Variants in RALY observed in about 807,000 individuals in gnomAD.
The protein encoded by RALY is RALY heterogeneous nuclear ribonucleoprotein.
In RALY, 15 loss-of-function variants were observed where a neutral mutation model predicts 30.7. That is an observed-to-expected ratio of 0.49 (90% CI 0.33 to 0.75). RALY has a LOEUF of 0.75. RALY is among the 30% of genes least tolerant of loss of function. RALY has a pLI of 0.02. For missense variants in RALY, 339 were observed against 414.3 expected, an observed-to-expected ratio of 0.82 and a Z score of 1.58; for synonymous variants, 177 against 170.8, an observed-to-expected ratio of 1.04 and a Z score of -0.28.
chr20:34,069,507 G>A (rs2033668154), intron 2 of RALY, among the ~76,000 whole-genome samples: 1 of 152,096 alleles, frequency 6.6e-6, no homozygotes, highest in South Asian at 2.1e-4. Flanking sequence ...AAAGCAGGTG[G>A]CTTCTCCCTA....
At chr20:34,060,104 C>G (rs539205030) in intron 2 of RALY, among the ~76,000 whole-genome samples, 1 of 152,176 alleles carries the variant, frequency 6.6e-6, no homozygotes, top group Non-Finnish European at 1.5e-5. Context: ...TGGTGAGACA[C>G]TTGAAGAGAC....
At chr20:34,002,944 C>A (rs749423430) in intron 1 of RALY, among the ~76,000 whole-genome samples, 44 of 152,174 alleles carry the variant, frequency 2.9e-4, no homozygotes, top group South Asian at 1.2e-3. Flanking sequence ...GGTGTGGTTT[C>A]TGGCATTTGA....
intron 7 of RALY, 24 bp from the exon 8 acceptor site, chr20:34,077,004 C>G: frequency 1.2e-6 from 2 of 1,610,196 alleles, no homozygotes; most frequent in East Asian, 4.5e-5. Context: ...TTTATTCTCC[C>G]CTCCTCCACC....
intron 2 of RALY, among the ~76,000 whole-genome samples, chr20:34,039,839 G>A (rs1216618249): frequency 3.3e-5 from 5 of 152,132 alleles, no homozygotes; most frequent in Non-Finnish European, 7.4e-5. Flanking sequence ...TGGGCTGGGC[G>A]CGGTGGCTCA....
intron 2 of RALY, among the ~76,000 whole-genome samples, chr20:34,064,756 G>A (rs925629452): frequency 1.3e-5 from 2 of 152,192 alleles, no homozygotes; most frequent in African/African-American, 4.8e-5. Flanking sequence ...TTTTCATAGA[G>A]CATTTGGGTT....
At chr20:34,004,181 A>T (rs1459226830) in intron 1 of RALY, among the ~76,000 whole-genome samples, 1 of 152,150 alleles carries the variant, frequency 6.6e-6, no homozygotes, top group Non-Finnish European at 1.5e-5. Context: ...TACATGGAGG[A>T]GGGGCAGAGG....
At chr20:34,024,547 T>C (rs1470200987) in intron 1 of RALY, among the ~76,000 whole-genome samples, 1 of 152,192 alleles carries the variant, frequency 6.6e-6, no homozygotes, top group African/African-American at 2.4e-5. Context: ...ACTGCCTAGA[T>C]TGAGTTTCAT....
intron 1 of RALY, among the ~76,000 whole-genome samples, chr20:33,995,741 T>C (rs1444372806): frequency 6.6e-6 from 1 of 152,226 alleles, no homozygotes; most frequent in Non-Finnish European, 1.5e-5. Flanking sequence ...TTTCCCCGCT[T>C]CCCTGTTAAC....
intron 2 of RALY, among the ~76,000 whole-genome samples, chr20:34,064,339 A>G (rs2033505212): frequency 2.0e-5 from 3 of 152,120 alleles, no homozygotes; most frequent in Non-Finnish European, 4.4e-5. Flanking sequence ...TACCCAGAGC[A>G]TGCTATGGGG....
At chr20:34,039,102 T>C (rs2032604353) in intron 2 of RALY, among the ~76,000 whole-genome samples, 1 of 152,174 alleles carries the variant, frequency 6.6e-6, no homozygotes, top group Admixed American at 6.5e-5. Context: ...TGGTCTGTGG[T>C]CCAAGGAGAT....
rs918353357 is a variant in RALY, at chr20:34,082,840, A to T, written c.*2935A>T. The T allele has an allele frequency of 5.3e-5, 8 of 152,232 alleles. No homozygotes were observed. The highest frequency in any genetic ancestry group is 1.2e-4 in the African/African-American group (5 of 41,462). 9.4% of individuals were successfully genotyped at this position (152,232 alleles called of 1,614,324 possible). A position where few individuals can be genotyped will look rare whatever the true frequency, so the allele number is the denominator to read the frequency against. On this transcript the variant is annotated 3_prime_UTR_variant, in exon 10 of 10. Coordinates refer to ENST00000246194, the MANE Select transcript of RALY (RefSeq NM_016732.3). ...TAACATCTGAAAACTCCAGAAGGAG[A>T]TGGTGATAAATGTGGTACCGGATTC...
intron 2 of RALY, among the ~76,000 whole-genome samples, chr20:34,050,711 C>G (rs2033049241): frequency 6.6e-6 from 1 of 152,222 alleles, no homozygotes; most frequent in African/African-American, 2.4e-5. Context: ...GTCTCCTGGA[C>G]AGATCTCATA....
At chr20:34,003,850 G>A (rs886195049) in intron 1 of RALY, among the ~76,000 whole-genome samples, 5 of 151,754 alleles carry the variant, frequency 3.3e-5, no homozygotes, top group African/African-American at 4.8e-5. Flanking sequence ...CGTTTTAGCC[G>A]GGATGGTCTC....
rs1321117850 is a variant in RALY, at chr20:34,080,600, CTA to C, written c.*698_*699del. 9 of 152,336 alleles carry C rather than the reference CTA, an allele frequency of 5.9e-5. No individual in the cohort carries two copies. The highest frequency in any genetic ancestry group is 1.9e-4 in the African/African-American group (8 of 41,440). 9.4% of individuals were successfully genotyped at this position (152,336 alleles called of 1,614,324 possible). A position where few individuals can be genotyped will look rare whatever the true frequency, so the allele number is the denominator to read the frequency against. On this transcript the variant is annotated 3_prime_UTR_variant, in exon 10 of 10. Coordinates refer to ENST00000246194, the MANE Select transcript of RALY (RefSeq NM_016732.3). ...ACCTTCTCTCTTCTGGCTTAGGACACTATAATTTTTTCATTTGGACGTTGTCC... is the reference window on the plus strand; with the variant it reads ...ACCTTCTCTCTTCTGGCTTAGGACACTAATTTTTTCATTTGGACGTTGTCC...
intron 1 of RALY, among the ~76,000 whole-genome samples, chr20:34,024,551 G>C (rs936267110): frequency 3.9e-5 from 6 of 152,156 alleles, no homozygotes; most frequent in South Asian, 4.1e-4. Context: ...CCTAGATTGA[G>C]TTTCATCTAT....
Position 34,082,767 on chromosome 20 carries a change from C to G in RALY, c.*2862C>G, listed in dbSNP as rs565689850. The G allele has an allele frequency of 1.3e-5, 2 of 152,310 alleles. No homozygotes were observed. The highest frequency in any genetic ancestry group is 3.9e-4 in the East Asian group (2 of 5,180). 9.4% of individuals were successfully genotyped at this position (152,310 alleles called of 1,614,324 possible). Reference sequence around the variant, plus strand: ...GCATACACATGCCCTTCCTCTGAGTCGGGGCAGCAAAAACATCCATTCCGC... The same window carrying G: ...GCATACACATGCCCTTCCTCTGAGTGGGGGCAGCAAAAACATCCATTCCGC... On this transcript the variant is annotated 3_prime_UTR_variant, in exon 10 of 10. Transcript: ENST00000246194.
intron 2 of RALY, among the ~76,000 whole-genome samples, chr20:34,042,120 A>G (rs1327145424): frequency 1.3e-5 from 2 of 152,140 alleles, no homozygotes; most frequent in South Asian, 4.1e-4. Context: ...TGCCGTCTCA[A>G]AAAACAAACA....
rs1432458195 is a variant in RALY, at chr20:34,081,227, T to G, written c.*1322T>G. On this transcript the variant is annotated 3_prime_UTR_variant, in exon 10 of 10. Transcript: ENST00000246194. ...GGTCCAGTGAACTGCGGGATTCATA[T>G]GTGGCCACTTAGGCTGGTCTCGTTG... 1.3e-5 allele frequency: 2 copies of G among 152,178 alleles called. No individual in the cohort carries two copies. The highest frequency in any genetic ancestry group is 4.8e-5 in the African/African-American group (2 of 41,424). 9.4% of individuals were successfully genotyped at this position (152,178 alleles called of 1,614,324 possible).
chr20:34,047,372 G>A (rs1232574129), intron 2 of RALY, among the ~76,000 whole-genome samples: 1 of 152,078 alleles, frequency 6.6e-6, no homozygotes, highest in African/African-American at 2.4e-5. Context: ...TAGGAGCAGG[G>A]GGCAGTGTTG....
Sources: gnomAD v4.1 joint callset for allele counts (sites outside exome capture counted in the v4.1 genomes callset) on GRCh38, gnomAD v4.1.1 for gene constraint, MANE v1.5 for transcripts, NCBI Gene and HGNC (gene_info 2026-07-23, HGNC 2026-07-21) for gene names.